Variants in ACTG1 observed in about 807,000 individuals in gnomAD.
ACTG1 encodes the protein actin, cytoplasmic 2.
Under a neutral mutation model 34.3 loss-of-function variants are expected in ACTG1, and 14 were observed. The ratio of observed to expected loss-of-function variants is 0.41; its 90% CI spans 0.27 to 0.64. The LOEUF (loss-of-function observed/expected upper bound fraction) is 0.64, where lower values mean the gene tolerates loss of function less well. Ranked by LOEUF, ACTG1 falls within the 30% of genes least tolerant of loss-of-function variation. ACTG1 has a pLI of 0.33. For synonymous variants in ACTG1, 422 were observed against 213.9 expected (o/e 1.97, Z -8.49); for missense variants, 233 against 529.5 (o/e 0.44, Z 5.50).
At chr17:81,512,435 C>T (rs2031872399) in intron 1 of ACTG1, 75 bp from the exon 2 acceptor site, 20 of 1,611,894 alleles carry the variant, frequency 1.2e-5, no homozygotes, top group Non-Finnish European at 1.6e-5. Context: ...TAATGCCCTC[C>T]CGCGGGGAAG....
At position 81,511,899 on chromosome 17, in the gene ACTG1, T is replaced by G. The variant is rs1555667035; in HGVS notation, c.363+4A>C. The G allele has an allele frequency of 1.9e-6, 3 of 1,614,088 alleles. No individual in the cohort carries two copies. The highest frequency in any genetic ancestry group is 1.7e-6 in the Non-Finnish European group (2 of 1,179,996). On this transcript the variant is annotated splice_donor_region_variant and intron_variant, in intron 3 of 5. Transcript: ENST00000573283. ...GAGGAGCACGGGCGTCGGCCGAGCC[T>G]CACCTGAGTCATCTTCTCTCTGTTG...
rs1555666018 is a variant in ACTG1, at chr17:81,510,105, T to A, written c.*585A>T. ...TCGAGAATTGCGTACAAAAAAAACC[T>A]TACATAAATTAAGAATGAATACATT... On this transcript the variant is annotated 3_prime_UTR_variant, in exon 6 of 6. Transcript: ENST00000573283. 2.1e-6 allele frequency: 1 copy of A among 466,094 alleles called. No individual in the cohort carries two copies. Among genetic ancestry groups the A allele is most frequent in the East Asian group, 6.9e-5 (1 of 14,462 alleles). The allele number at this position is 466,094 out of a possible 1,614,324, so 28.9% of individuals were successfully genotyped here. A position where few individuals can be genotyped will look rare whatever the true frequency, so the allele number is the denominator to read the frequency against.
chr17:81,512,653 G>C (rs1311592498), intron 1 of ACTG1, 81 bp downstream of exon 1: 7 of 446,574 alleles, frequency 1.6e-5, no homozygotes, highest in Non-Finnish European at 2.5e-5. Flanking sequence ...ACGAGGCCTC[G>C]GCAGCTGGAA....
In ACTG1 at chr17:81,510,392, G is replaced by A. The variant is rs1344959289; in HGVS notation, c.*298C>T. 10 of 502,494 alleles carry A rather than the reference G, an allele frequency of 2.0e-5. No individual in the cohort carries two copies. Among genetic ancestry groups the A allele is most frequent in the Middle Eastern group, 5.6e-4 (1 of 1,776 alleles). 31.1% of individuals were successfully genotyped at this position (502,494 alleles called of 1,614,324 possible). ...CAAGCCACAGACTTGTCTTCCACAAGCACGTTCTTACCTTAGCCACGAAGT... is the reference window on the plus strand; with the variant it reads ...CAAGCCACAGACTTGTCTTCCACAAACACGTTCTTACCTTAGCCACGAAGT... On this transcript the variant is annotated 3_prime_UTR_variant, in exon 6 of 6. Transcript: ENST00000573283.
chr17:81,512,199 G>A lies in ACTG1; in HGVS notation c.123+33C>T, dbSNP rs1568062974. The A allele has an allele frequency of 5.0e-6, 8 of 1,613,314 alleles. No individual in the cohort carries two copies. The East Asian group carries it at 6.7e-5, about 13-fold the overall frequency. ...GACACCGAACCCACCCCGCAACGCA[G>A]AACCCAGGAGCCCCGCGGCGCCATC... On this transcript the variant is annotated intron_variant, in intron 2 of 5. Transcript: ENST00000573283.
chr17:81,510,789 G>A lies in ACTG1; in HGVS notation c.1029C>T (p.Gly343=), dbSNP rs143659814. The change falls in exon 6 of 6, where the codon GGC becomes GGT. Residue 343 remains glycine, a synonymous_variant. Coordinates refer to ENST00000573283, the MANE Select transcript of ACTG1 (RefSeq NM_001614.5). ...PERKYSVWIG[G]SILASLSTFQ... is the part of the protein sequence containing the mutation. Reference sequence around the variant, plus strand: ...AGGTGGACAGTGAGGCCAGGATGGAGCCACCGATCCACACCGAGTACTTGC... The same window carrying A: ...AGGTGGACAGTGAGGCCAGGATGGAACCACCGATCCACACCGAGTACTTGC... 1.6e-3 allele frequency: 2,565 copies of A among 1,612,124 alleles called. 10 individuals are homozygous for A. The highest frequency in any genetic ancestry group is 2.0e-3 in the South Asian group (179 of 91,012).
rs782575719 is a variant in ACTG1, at chr17:81,512,379, A to G, written c.-6-19T>C. 3 of 1,613,704 alleles carry G rather than the reference A, an allele frequency of 1.9e-6. No individual in the cohort carries two copies. In the Admixed American group the frequency reaches 5.0e-5, roughly 27 times the overall value. On this transcript the variant is annotated intron_variant, in intron 1 of 5. Transcript: ENST00000573283. ...TTGCGACCTGCCCGGAAAAGGATGG[A>G]CTCAGGCGGGCGCGTCTGTAACACG...
chr17:81,511,984 C>T lies in ACTG1; in HGVS notation c.282G>A (p.Leu94=). 1 of 1,614,100 alleles carries T rather than the reference C, an allele frequency of 6.2e-7. No individual in the cohort carries two copies. The part of the protein sequence containing the change: ...KIWHHTFYNE[L]RVAPEEHPVL... The stretch of plus-strand genomic sequence containing the variant: ...CTGGGTGCTCCTCCGGGGCCACGCG[C>T]AGCTCGTTGTAGAAGGTGTGGTGCC... Residue 94 remains leucine, a synonymous_variant, in exon 3 of 6, where the codon CTG becomes CTA. Coordinates refer to ENST00000573283, the MANE Select transcript of ACTG1 (RefSeq NM_001614.5).
intron 5 of ACTG1, 46 bp from the exon 6 acceptor site, chr17:81,510,879 A>C (rs1334567421): frequency 1.9e-6 from 3 of 1,612,646 alleles, no homozygotes; most frequent in Non-Finnish European, 2.5e-6. Flanking sequence ...AGCGCCCCCC[A>C]GTCAGCTCTC....
chr17:81,510,872 G>GC (rs59886367), intron 5 of ACTG1, 39 bp from the exon 6 acceptor site: 17 of 1,613,320 alleles, frequency 1.1e-5, no homozygotes, highest in African/African-American at 8.0e-5. Flanking sequence ...CTCACAGAGC[G>GC]CCCCCCAGTC....
Position 81,510,842 on chromosome 17 carries a change from A to C in ACTG1, c.985-9T>G, listed in dbSNP as rs781865448. 3 of 1,612,788 alleles carry C rather than the reference A, an allele frequency of 1.9e-6. No individual in the cohort carries two copies. Among genetic ancestry groups the C allele is most frequent in the African/African-American group, 1.3e-5 (1 of 74,674 alleles). ...TCTGGGGGTGCGATGATCTGCAAAG[A>C]CAGCCAGGCACGGCTTCAGCTCACA... On this transcript the variant is annotated splice_polypyrimidine_tract_variant and intron_variant, in intron 5 of 5. Coordinates refer to ENST00000573283, the MANE Select transcript of ACTG1 (RefSeq NM_001614.5).
chr17:81,510,422 A>C lies in ACTG1; in HGVS notation c.*268T>G. On this transcript the variant is annotated 3_prime_UTR_variant, in exon 6 of 6. Transcript: ENST00000573283. The stretch of plus-strand genomic sequence containing the variant: ...TTCTTACCTTAGCCACGAAGTGACC[A>C]AGCCACACGTACTAAAGGTTGAACT... 2 of 578,246 alleles carry C rather than the reference A, an allele frequency of 3.5e-6. No homozygotes were observed. The highest frequency in any genetic ancestry group is 7.4e-5 in the East Asian group (2 of 26,884). 35.8% of individuals were successfully genotyped at this position (578,246 alleles called of 1,614,324 possible).
intron 3 of ACTG1, 93 bp downstream of exon 3, chr17:81,511,810 C>A (rs782539552): frequency 1.3e-6 from 2 of 1,597,390 alleles, no homozygotes; most frequent in Non-Finnish European, 1.7e-6. Flanking sequence ...GAGCCTGGAA[C>A]AGCGAAAGAA....
rs2031884319 is a variant in ACTG1 at position 81,512,574 on chromosome 17, C to T, written c.-7+160G>A. ...ACTGCGGCCGGGCCCCGCCCTGGAC[C>T]CCCGGCGCCCCCCCAGCCCCGTCCG... On this transcript the variant is annotated intron_variant, in intron 1 of 5. Coordinates refer to ENST00000573283, the MANE Select transcript of ACTG1 (RefSeq NM_001614.5). The T allele has an allele frequency of 8.3e-6, 6 of 723,718 alleles. No homozygotes were observed. The South Asian group carries it at 8.6e-5, about 10-fold the overall frequency. 44.8% of individuals were successfully genotyped at this position (723,718 alleles called of 1,614,324 possible). A position where few individuals can be genotyped will look rare whatever the true frequency, so the allele number is the denominator to read the frequency against.
At position 81,509,990 on chromosome 17, in the gene ACTG1, T is replaced by C. The variant is rs1344739574; in HGVS notation, c.*700A>G. On this transcript the variant is annotated 3_prime_UTR_variant, in exon 6 of 6. Transcript: ENST00000573283. Reference sequence around the variant, plus strand: ...CATTCATTGGTTACGGCAGCACTTTTATTTTTCCTTACACAATGACGTGTT... The same window carrying C: ...CATTCATTGGTTACGGCAGCACTTTCATTTTTCCTTACACAATGACGTGTT... 1 of 401,856 alleles carries C rather than the reference T, an allele frequency of 2.5e-6. No individual in the cohort carries two copies. Among genetic ancestry groups the C allele is most frequent in the Non-Finnish European group, 4.9e-6 (1 of 202,830 alleles). 24.9% of individuals were successfully genotyped at this position (401,856 alleles called of 1,614,324 possible). A position where few individuals can be genotyped will look rare whatever the true frequency, so the allele number is the denominator to read the frequency against.
chr17:81,511,895 A>G lies in ACTG1; in HGVS notation c.363+8T>C, dbSNP rs782183612. The G allele has an allele frequency of 3.1e-6, 5 of 1,614,078 alleles. No homozygotes were observed. The highest frequency in any genetic ancestry group is 4.2e-6 in the Non-Finnish European group (5 of 1,179,986). ...ACGGGAGGAGCACGGGCGTCGGCCG[A>G]GCCTCACCTGAGTCATCTTCTCTCT... On this transcript the variant is annotated splice_region_variant and intron_variant, in intron 3 of 5. Coordinates refer to ENST00000573283, the MANE Select transcript of ACTG1 (RefSeq NM_001614.5).
rs370546734 is a variant in ACTG1, at chr17:81,510,838, A to G, written c.985-5T>C. On this transcript the variant is annotated splice_region_variant and splice_polypyrimidine_tract_variant and intron_variant, in intron 5 of 5. Coordinates refer to ENST00000573283, the MANE Select transcript of ACTG1 (RefSeq NM_001614.5). ...GCGCTCTGGGGGTGCGATGATCTGCAAAGACAGCCAGGCACGGCTTCAGCT... is the reference window on the plus strand; with the variant it reads ...GCGCTCTGGGGGTGCGATGATCTGCGAAGACAGCCAGGCACGGCTTCAGCT... 404 of 1,613,332 alleles carry G rather than the reference A, an allele frequency of 2.5e-4. 1 individual carries two copies. The African/African-American group carries it at 5.2e-3, about 21-fold the overall frequency.
intron 3 of ACTG1, 79 bp downstream of exon 3, chr17:81,511,824 C>CTT (rs2031810319): frequency 6.2e-7 from 1 of 1,606,806 alleles, no homozygotes; most frequent in Non-Finnish European, 8.5e-7. Context: ...GAAAGAAACA[C>CTT]TTAAATGTCA....
At position 81,511,155 on chromosome 17, in the gene ACTG1, T is replaced by A. The variant is rs80345231; in HGVS notation, c.802+33A>T. 0.019 allele frequency: 30,265 copies of A among 1,613,616 alleles called. 638 individuals are homozygous for A. The highest frequency in any genetic ancestry group is 0.1 in the African/African-American group (7,487 of 74,974). ...TAGTGATGCTGTGTCACCGAGGATG[T>A]AAGAGTAGAAACCTTTAGCTCACAA... On this transcript the variant is annotated intron_variant, in intron 4 of 5. Transcript: ENST00000573283.
Sources: allele counts gnomAD v4.1 joint callset, GRCh38; gene constraint gnomAD v4.1.1; transcripts MANE v1.5; gene names NCBI Gene and HGNC (gene_info 2026-07-23, HGNC 2026-07-21).